RGS9: variants seen among roughly 807,000 people sequenced by gnomAD.
The protein encoded by RGS9 is regulator of G-protein signalling 9.
A neutral mutation model predicts 102.0 loss-of-function variants in RGS9; 78 were observed. The ratio of observed to expected loss-of-function variants is 0.76; its 90% CI spans 0.64 to 0.92. RGS9 has a LOEUF of 0.92. Ranked by LOEUF, RGS9 falls within the 40% of genes least tolerant of loss-of-function variation. RGS9 has a pLI of 0.00. For missense variants in RGS9, 833 were observed against 866.1 expected, an observed-to-expected ratio of 0.96 and a Z score of 0.48; for synonymous variants, 353 against 318.6, an observed-to-expected ratio of 1.11 and a Z score of -1.15.
At chr17:65,145,716 C>T (rs141147840) in intron 1 of RGS9, among the ~76,000 whole-genome samples, 104 of 152,134 alleles carry the variant, frequency 6.8e-4, no homozygotes, top group African/African-American at 2.4e-3. Flanking sequence ...CTTTAAAGAC[C>T]TTATCTTCAA....
At chr17:65,158,272 C>T (rs774990866) in intron 2 of RGS9, 23 bp from the exon 3 acceptor site, 45 of 1,613,534 alleles carry the variant, frequency 2.8e-5, no homozygotes, top group South Asian at 6.6e-5. Context: ...TGACAATAAC[C>T]GCAAATGTCT....
intron 9 of RGS9, among the ~76,000 whole-genome samples, chr17:65,187,799 G>T (rs546490764): frequency 2.6e-5 from 4 of 152,252 alleles, no homozygotes; most frequent in African/African-American, 9.6e-5. Context: ...AGATTGAAGT[G>T]ATCCTGGCCA....
intron 7 of RGS9, among the ~76,000 whole-genome samples, chr17:65,164,795 A>T (rs1911116488): frequency 6.6e-6 from 1 of 152,228 alleles, no homozygotes; most frequent in Non-Finnish European, 1.5e-5. Context: ...AACACGGGTT[A>T]TCTTTAATCA....
At position 65,168,351 on chromosome 17, in the gene RGS9, A is replaced by T. The variant is rs143574107; in HGVS notation, c.582+70A>T. On this transcript the variant is annotated intron_variant, in intron 8 of 18. Transcript: ENST00000262406. ...CCCACCTCCATCCTGTGCTCTCCAT[A>T]CCTGTTGCCAACTCCTCTTTCTCTA... 1.6e-4 allele frequency: 173 copies of T among 1,056,438 alleles called. No homozygotes were observed. In the African/African-American group the frequency reaches 2.3e-3, roughly 14 times the overall value. 65.4% of individuals were successfully genotyped at this position (1,056,438 alleles called of 1,614,324 possible). A position where few individuals can be genotyped will look rare whatever the true frequency, so the allele number is the denominator to read the frequency against.
At chr17:65,175,085 G>A (rs964950161) in intron 8 of RGS9, among the ~76,000 whole-genome samples, 5 of 132,066 alleles carry the variant, frequency 3.8e-5, no homozygotes, top group East Asian at 2.0e-4. Flanking sequence ...CCATATTAAT[G>A]TGTGTGTGTG....
At chr17:65,187,311 A>G (rs758746631) in intron 9 of RGS9, among the ~76,000 whole-genome samples, 30 of 152,202 alleles carry the variant, frequency 2.0e-4, no homozygotes, top group Non-Finnish European at 4.1e-4. Context: ...GAGTCACACA[A>G]ATAAGGATAA....
intron 1 of RGS9, among the ~76,000 whole-genome samples, chr17:65,146,090 T>C (rs1214212541): frequency 2.6e-5 from 4 of 152,154 alleles, no homozygotes; most frequent in Non-Finnish European, 5.9e-5. Context: ...TTTTTTTAAA[T>C]GCAAAGACAA....
At chr17:65,224,831 C>A (rs560057731) in intron 17 of RGS9, among the ~76,000 whole-genome samples, 171 bp from the exon 18 acceptor site, 230 of 152,284 alleles carry the variant, frequency 1.5e-3, no homozygotes, top group African/African-American at 5.4e-3. Flanking sequence ...TGTGGCTGTG[C>A]CATTGTCATA....
In RGS9 at chr17:65,227,446, A is replaced by G; in HGVS notation, c.*39A>G. On this transcript the variant is annotated 3_prime_UTR_variant, in exon 19 of 19. Coordinates refer to ENST00000262406, the MANE Select transcript of RGS9 (RefSeq NM_003835.4). The stretch of plus-strand genomic sequence containing the variant: ...CTGAGCTGGGGGCTCTGGACCAGGA[A>G]GATGCTCTGACAGATGCCATGGTAT... 1 of 1,592,196 alleles carries G rather than the reference A, an allele frequency of 6.3e-7. No individual in the cohort carries two copies.
chr17:65,218,174 A>G (rs1026541561), intron 17 of RGS9, among the ~76,000 whole-genome samples: 4 of 152,230 alleles, frequency 2.6e-5, no homozygotes, highest in Admixed American at 6.5e-5. Flanking sequence ...TGTACATTCC[A>G]TGATACTCCT....
chr17:65,165,232 T>C (rs1255036653), intron 7 of RGS9, among the ~76,000 whole-genome samples: 1 of 152,166 alleles, frequency 6.6e-6, no homozygotes, highest in Non-Finnish European at 1.5e-5. Context: ...CTGTTCTCAG[T>C]GATCCCTGCA....
At chr17:65,176,553 C>T (rs904757759) in intron 8 of RGS9, among the ~76,000 whole-genome samples, 2 of 152,202 alleles carry the variant, frequency 1.3e-5, no homozygotes, top group African/African-American at 4.8e-5. Context: ...TGTCACTTCA[C>T]TTTTCCCGCC....
chr17:65,168,344 T>A lies in RGS9; in HGVS notation c.582+63T>A. On this transcript the variant is annotated intron_variant, in intron 8 of 18. Transcript: ENST00000262406. ...TGTGCCTCCCACCTCCATCCTGTGC[T>A]CTCCATACCTGTTGCCAACTCCTCT... is the stretch of plus-strand genomic sequence containing the variant. The A allele has an allele frequency of 2.6e-6, 3 of 1,134,690 alleles. No individual in the cohort carries two copies. In the South Asian group the frequency reaches 3.9e-5, roughly 15 times the overall value. 70.3% of individuals were successfully genotyped at this position (1,134,690 alleles called of 1,614,324 possible).
chr17:65,143,248 A>G (rs1910225321), intron 1 of RGS9, among the ~76,000 whole-genome samples: 1 of 152,128 alleles, frequency 6.6e-6, no homozygotes, highest in Non-Finnish European at 1.5e-5. Flanking sequence ...CGCCCTCACC[A>G]ACCCCCAAAG....
chr17:65,169,524 C>T (rs1284015821), intron 8 of RGS9, among the ~76,000 whole-genome samples: 2 of 152,118 alleles, frequency 1.3e-5, no homozygotes, highest in Non-Finnish European at 2.9e-5. Flanking sequence ...GGAGACATGG[C>T]GGATATGCCA....
At chr17:65,214,201 G>A (rs533618647) in intron 17 of RGS9, among the ~76,000 whole-genome samples, 1 of 152,310 alleles carries the variant, frequency 6.6e-6, no homozygotes, top group South Asian at 2.1e-4. Flanking sequence ...GGGCTCAAGT[G>A]ATGCACCAAC....
At chr17:65,224,764 C>A (rs1340479602) in intron 17 of RGS9, among the ~76,000 whole-genome samples, 1 of 152,208 alleles carries the variant, frequency 6.6e-6, no homozygotes, top group African/African-American at 2.4e-5. Flanking sequence ...AACTGCTTAG[C>A]CCTGGGACTG....
chr17:65,171,333 G>A (rs1911412953), intron 8 of RGS9, among the ~76,000 whole-genome samples: 1 of 152,214 alleles, frequency 6.6e-6, no homozygotes, highest in Admixed American at 6.5e-5. Context: ...GACGCCTGAT[G>A]CTATGATGTA....
chr17:65,184,478 A>G (rs1912026076), intron 9 of RGS9, among the ~76,000 whole-genome samples: 1 of 151,990 alleles, frequency 6.6e-6, no homozygotes, highest in Admixed American at 6.6e-5. Context: ...GGTCTCTGCT[A>G]TGTGCCAGGG....
Sources: gnomAD v4.1 joint callset for allele counts (sites outside exome capture counted in the v4.1 genomes callset) on GRCh38, gnomAD v4.1.1 for gene constraint, MANE v1.5 for transcripts, NCBI Gene and HGNC (gene_info 2026-07-23, HGNC 2026-07-21) for gene names.